Variants in TMEM184B observed in about 807,000 individuals in gnomAD.
TMEM184B encodes transmembrane protein 184B.
TMEM184B carries 17 observed loss-of-function variants against 41.8 expected under a neutral mutation model. The observed-to-expected ratio is 0.41, with a 90% CI of 0.28 to 0.61. The LOEUF is 0.61. Ranked by LOEUF, TMEM184B falls within the 20% of genes least tolerant of loss-of-function variation. TMEM184B has a pLI of 0.34. For synonymous variants in TMEM184B, 240 were observed against 229.5 expected (o/e 1.05, Z -0.41); for missense variants, 393 against 557.8 (o/e 0.70, Z 2.98).
intron 5 of TMEM184B, among the ~76,000 whole-genome samples, chr22:38,230,197 A>G (rs1259704239): frequency 6.7e-6 from 1 of 149,890 alleles, no homozygotes; most frequent in Non-Finnish European, 1.5e-5. Context: ...TGCCAAGGCT[A>G]CTCTAGACCA....
rs1268237616 is a variant in TMEM184B, at chr22:38,226,087, T to C, written c.618-494A>G. Among the ~76,000 whole-genome samples, 1 of 151,938 alleles carries C rather than the reference T, an allele frequency of 6.6e-6. No homozygotes were observed. The highest frequency in any genetic ancestry group is 1.5e-5 in the Non-Finnish European group (1 of 67,950). ...TAGACACATGGTCACTTTTTTTTTT[T>C]TTTTTTTTAGATATGGAGTTTTGTT... On this transcript the variant is annotated intron_variant, in intron 6 of 8. Transcript: ENST00000361906. The surrounding 1 kb of genome is among the most constrained non-coding windows in gnomAD (Gnocchi z 4.6).
chr22:38,272,402 ACACCCT>A, intron 1 of TMEM184B: 1 of 876,574 alleles, frequency 1.1e-6, no homozygotes. Context: ...GCGGGCGTGT[ACACCCT>A]CCACTCACGA....
intron 1 of TMEM184B, among the ~76,000 whole-genome samples, chr22:38,271,952 C>T (rs1210246152): frequency 6.6e-6 from 1 of 152,240 alleles, no homozygotes; most frequent in African/African-American, 2.4e-5. Flanking sequence ...AGCTTGTTTG[C>T]CTGGCTGACT....
intron 8 of TMEM184B, chr22:38,222,233 T>C (rs1326210893): frequency 1.2e-5 from 2 of 160,148 alleles, no homozygotes; most frequent in Admixed American, 5.9e-5. Flanking sequence ...TGGCTCCCTC[T>C]AAGAGGGCTT....
At chr22:38,267,401 G>A (rs1344448602) in intron 1 of TMEM184B, among the ~76,000 whole-genome samples, 1 of 151,666 alleles carries the variant, frequency 6.6e-6, no homozygotes, top group Non-Finnish European at 1.5e-5. Context: ...CCGGCTCCTG[G>A]AATAACCAAT....
intron 5 of TMEM184B, among the ~76,000 whole-genome samples, chr22:38,229,505 C>T (rs372172907): frequency 2.0e-5 from 3 of 152,374 alleles, no homozygotes; most frequent in African/African-American, 7.2e-5. Flanking sequence ...GGAAATCAGG[C>T]TCAGATGGTC....
At chr22:38,264,838 C>A (rs921684187) in intron 1 of TMEM184B, among the ~76,000 whole-genome samples, 5 of 152,188 alleles carry the variant, frequency 3.3e-5, no homozygotes, top group Non-Finnish European at 7.3e-5. Context: ...CCAAAGGAAG[C>A]ATTTGAGAGA....
chr22:38,224,791 C>T lies in TMEM184B; in HGVS notation c.976G>A (p.Ala326Thr), dbSNP rs1174720053. ...YKVYADKRLD[A>T]QGRCAPMKSI... ...CTAGGACCCTGGCTCATACCTTGTG[C>T]GTCCAGCCTCTTGTCAGCATAGACC... Residue 326 changes from alanine (A) to threonine (T), a missense_variant, in exon 8 of 9, where the codon GCA becomes ACA. Ala to Thr is a moderately conservative substitution (Grantham distance 58, BLOSUM62 0). This residue lies in a region of TMEM184B where 271 missense variants were observed against 434.1 expected (regional missense o/e 0.62). Coordinates refer to ENST00000361906, the MANE Select transcript of TMEM184B (RefSeq NM_012264.5). The T allele has an allele frequency of 1.5e-5, 24 of 1,595,690 alleles. No homozygotes were observed. The highest frequency in any genetic ancestry group is 3.4e-5 in the Admixed American group (2 of 58,678).
At chr22:38,267,495 T>C (rs1330038797) in intron 1 of TMEM184B, among the ~76,000 whole-genome samples, 2 of 150,940 alleles carry the variant, frequency 1.3e-5, no homozygotes, top group Middle Eastern at 3.5e-3. Context: ...TGCAATGGCG[T>C]AGTCTCAGCT....
chr22:38,249,927 A>C (rs1484907876), intron 1 of TMEM184B, among the ~76,000 whole-genome samples: 2 of 152,214 alleles, frequency 1.3e-5, no homozygotes, highest in African/African-American at 2.4e-5. Context: ...TAAAAGATGC[A>C]AAGTGCAGTA....
intron 1 of TMEM184B, among the ~76,000 whole-genome samples, chr22:38,254,204 C>CAAAA (rs61216492): frequency 0.033 from 2,850 of 86,338 alleles, 106 homozygotes; most frequent in Middle Eastern, 0.067. Context: ...CTCTTGTCTC[C>CAAAA]AAAAAAAAAA....
chr22:38,218,352 G>A (rs1020826021), downstream of TMEM184B, among the ~76,000 whole-genome samples: 4 of 152,156 alleles, frequency 2.6e-5, no homozygotes, highest in Admixed American at 2.6e-4. Flanking sequence ...TGGGATCTTT[G>A]GTACTTATTT....
intron 3 of TMEM184B, among the ~76,000 whole-genome samples, chr22:38,244,736 G>A (rs923815796): frequency 6.6e-5 from 10 of 152,330 alleles, no homozygotes; most frequent in African/African-American, 1.9e-4. Flanking sequence ...GATTTCAGGC[G>A]TGAGCCACTG....
At chr22:38,257,403 T>C (rs2092299774) in intron 1 of TMEM184B, among the ~76,000 whole-genome samples, 1 of 151,944 alleles carries the variant, frequency 6.6e-6, no homozygotes, top group Non-Finnish European at 1.5e-5. Context: ...GAAAAATGAG[T>C]AACCCGATTT....
Position 38,245,919 on chromosome 22 carries a change from C to A in TMEM184B, c.358+16G>T. 7.6e-7 allele frequency: 1 copy of A among 1,321,340 alleles called. No individual in the cohort carries two copies. Among genetic ancestry groups the A allele is most frequent in the South Asian group, 1.2e-5 (1 of 86,292 alleles). 81.9% of individuals were successfully genotyped at this position (1,321,340 alleles called of 1,614,324 possible). On this transcript the variant is annotated intron_variant, in intron 3 of 8. Transcript: ENST00000361906. ...CAGCCCCCCGCCAGCCCTCCCCACT[C>A]CGTCCCCATCCTCACCCTCATAGCA...
Position 38,221,080 on chromosome 22 carries a change from TGCCGACCTCA to T in TMEM184B, c.*379_*388del. 1 of 1,064,348 alleles carries T rather than the reference TGCCGACCTCA, an allele frequency of 9.4e-7. No homozygotes were observed. 65.9% of individuals were successfully genotyped at this position (1,064,348 alleles called of 1,614,324 possible). A position where few individuals can be genotyped will look rare whatever the true frequency, so the allele number is the denominator to read the frequency against. ...CACGGTGTGTGGGGGAGCCACGGCT[TGCCGACCTCA>T]GCCTGAGAGTCTCGCGGGGAGGAGG... On this transcript the variant is annotated 3_prime_UTR_variant, in exon 9 of 9. Coordinates refer to ENST00000361906, the MANE Select transcript of TMEM184B (RefSeq NM_012264.5).
intron 3 of TMEM184B, among the ~76,000 whole-genome samples, chr22:38,238,028 G>A (rs1390802733): frequency 1.3e-5 from 2 of 151,900 alleles, no homozygotes; most frequent in South Asian, 2.1e-4. Flanking sequence ...TCGAACTCCC[G>A]ACCTTAGGTG....
chr22:38,227,286 G>A (rs2091473282), intron 5 of TMEM184B, among the ~76,000 whole-genome samples: 1 of 152,152 alleles, frequency 6.6e-6, no homozygotes, highest in African/African-American at 2.4e-5. Context: ...CATCAGGTGG[G>A]TGCCGGAGAT....
intron 2 of TMEM184B, chr22:38,246,605 TG>T: frequency 3.4e-6 from 1 of 293,552 alleles, no homozygotes; most frequent in Non-Finnish European, 6.5e-6. Flanking sequence ...CTATGGCGGG[TG>T]GACACACTTC....
Sources: allele counts gnomAD v4.1 joint callset (sites outside exome capture counted in the v4.1 genomes callset), GRCh38; gene constraint gnomAD v4.1.1; regional missense constraint gnomAD v4.1.1; non-coding constraint Gnocchi (gnomAD v3.1); transcripts MANE v1.5; gene names NCBI Gene and HGNC (gene_info 2026-07-23, HGNC 2026-07-21).